PDZD8: variants seen among roughly 807,000 people sequenced by gnomAD.
PDZD8 encodes the protein PDZ domain-containing protein 8.
A neutral mutation model predicts 85.8 loss-of-function variants in PDZD8; 14 were observed. That is an observed-to-expected ratio of 0.16 (90% CI 0.11 to 0.26). The LOEUF is 0.26. Among genes scored for constraint, PDZD8 ranks in the 10% least tolerant of loss-of-function variants. PDZD8 has a pLI of 1.00. For missense variants in PDZD8, 1,197 were observed against 1,424.3 expected (o/e 0.84, Z 2.57); for synonymous variants, 592 against 568.6 (o/e 1.04, Z -0.59).
At chr10:117,301,045 G>A (rs1456638299) in intron 3 of PDZD8, among the ~76,000 whole-genome samples, 1 of 152,104 alleles carries the variant, frequency 6.6e-6, no homozygotes, top group African/African-American at 2.4e-5. Flanking sequence ...CTAGAGTGCA[G>A]TGGCATGATC....
At chr10:117,360,689 C>T (rs1413711428) in intron 1 of PDZD8, among the ~76,000 whole-genome samples, 1 of 151,700 alleles carries the variant, frequency 6.6e-6, no homozygotes, top group African/African-American at 2.4e-5. Context: ...GCAGTCAAAA[C>T]TGTAACAAAT....
At chr10:117,344,616 TG>T (rs993252658) in intron 1 of PDZD8, among the ~76,000 whole-genome samples, 6 of 152,172 alleles carry the variant, frequency 3.9e-5, no homozygotes, top group African/African-American at 1.4e-4. Context: ...CTCTATCTCC[TG>T]ACCTCGTGAT....
intron 2 of PDZD8, among the ~76,000 whole-genome samples, chr10:117,323,235 C>A (rs926578722): frequency 4.6e-5 from 7 of 152,050 alleles, no homozygotes; most frequent in African/African-American, 1.2e-4. Flanking sequence ...TATTCAGAAG[C>A]CTTAAAGAAA....
intron 1 of PDZD8, among the ~76,000 whole-genome samples, chr10:117,369,002 C>T (rs899326803): frequency 1.3e-5 from 2 of 151,510 alleles, no homozygotes; most frequent in South Asian, 2.1e-4. Context: ...ACTGCAGGTG[C>T]GTGCCATTTT....
rs140922572 is a variant in PDZD8 at position 117,283,947 on chromosome 10, T to C, written c.2786A>G (p.Asn929Ser). ...RVDAEASKSV[N>S]KTTGLTRHII... ...ATGCCTTGTCAAACCTGTTGTTTTA[T>C]TGACTGACTTGCTAGCTTCAGCATC... The change falls in exon 5 of 5, where the codon AAT (asparagine) becomes AGT (serine). Residue 929 changes from asparagine to serine, a missense_variant. Physicochemically the swap from Asn to Ser is conservative, Grantham distance 46. Transcript: ENST00000334464. 55 of 1,614,112 alleles carry C rather than the reference T, an allele frequency of 3.4e-5. 1 individual carries two copies. The Admixed American group carries it at 4.2e-4, about 12-fold the overall frequency.
chr10:117,303,026 C>A (rs946628064), intron 3 of PDZD8, among the ~76,000 whole-genome samples: 1 of 152,020 alleles, frequency 6.6e-6, no homozygotes, highest in Non-Finnish European at 1.5e-5. Flanking sequence ...TAGAGTGGGG[C>A]GGTGCTGAAA....
rs772059897 is a variant in PDZD8 at position 117,277,278 on chromosome 10, C to G, written c.*5990G>C. The stretch of plus-strand genomic sequence containing the variant: ...CTGAAAGTGACTGAGATGAGATCCT[C>G]AAAAATCATCAAAGTGTTTAATTGT... On this transcript the variant is annotated 3_prime_UTR_variant, in exon 5 of 5. Coordinates refer to ENST00000334464, the MANE Select transcript of PDZD8 (RefSeq NM_173791.5). 2.1e-5 allele frequency: 30 copies of G among 1,462,572 alleles called. No individual in the cohort carries two copies. The highest frequency in any genetic ancestry group is 2.9e-5 in the Non-Finnish European group (30 of 1,045,588). The allele number at this position is 1,462,572 out of a possible 1,614,324, so 90.6% of individuals were successfully genotyped here.
chr10:117,336,300 C>T (rs1360126957), intron 2 of PDZD8, among the ~76,000 whole-genome samples: 1 of 152,116 alleles, frequency 6.6e-6, no homozygotes, highest in Non-Finnish European at 1.5e-5. Context: ...GGTTGCTCAA[C>T]CTGTATCAGG....
At chr10:117,332,297 C>CA (rs201115715) in intron 2 of PDZD8, among the ~76,000 whole-genome samples, 1 of 151,750 alleles carries the variant, frequency 6.6e-6, no homozygotes, top group Non-Finnish European at 1.5e-5. Flanking sequence ...AAGAAAAAAA[C>CA]AAAAAACAAA....
chr10:117,336,756 T>G (rs1244400893), intron 2 of PDZD8, among the ~76,000 whole-genome samples: 1 of 152,038 alleles, frequency 6.6e-6, no homozygotes, highest in East Asian at 1.9e-4. Context: ...AGTAAAGAAT[T>G]ATAACCATTG....
At chr10:117,337,155 T>C (rs528578263) in intron 2 of PDZD8, among the ~76,000 whole-genome samples, 18 of 151,948 alleles carry the variant, frequency 1.2e-4, no homozygotes, top group African/African-American at 4.3e-4. Flanking sequence ...TGCCAGAAAA[T>C]TGATCTCTTT....
In PDZD8 at chr10:117,278,549, G is replaced by A. The variant is rs1332588467; in HGVS notation, c.*4719C>T. 6.6e-6 allele frequency: 1 copy of A among 152,176 alleles called. No homozygotes were observed. The highest frequency in any genetic ancestry group is 1.5e-5 in the Non-Finnish European group (1 of 68,020). The allele number at this position is 152,176 out of a possible 1,614,324, so 9.4% of individuals were successfully genotyped here. On this transcript the variant is annotated 3_prime_UTR_variant, in exon 5 of 5. Transcript: ENST00000334464. ...TGTCATTTTGTTAAGAGATATGACT[G>A]GAGTGTGCAGTGTGGAATGTCTCTA...
At chr10:117,343,338 T>C (rs1844649003) in intron 1 of PDZD8, among the ~76,000 whole-genome samples, 1 of 152,032 alleles carries the variant, frequency 6.6e-6, no homozygotes, top group African/African-American at 2.4e-5. Flanking sequence ...TAAACTAGTA[T>C]GGAAAGCAGA....
intron 3 of PDZD8, among the ~76,000 whole-genome samples, chr10:117,301,383 A>G (rs779512364): frequency 3.3e-5 from 5 of 152,206 alleles, no homozygotes; most frequent in Non-Finnish European, 5.9e-5. Flanking sequence ...AACTTGGGCC[A>G]TTATGATTAA....
chr10:117,359,285 G>A (rs948860957), intron 1 of PDZD8, among the ~76,000 whole-genome samples: 4 of 151,876 alleles, frequency 2.6e-5, no homozygotes, highest in African/African-American at 9.7e-5. Flanking sequence ...GCATGGTGGA[G>A]CATGCCTGTA....
In PDZD8 at chr10:117,278,114, A is replaced by G. The variant is rs984061561; in HGVS notation, c.*5154T>C. The G allele has an allele frequency of 1.3e-5, 2 of 152,214 alleles. No homozygotes were observed. Among genetic ancestry groups the G allele is most frequent in the Non-Finnish European group, 1.5e-5 (1 of 68,028 alleles). The allele number at this position is 152,214 out of a possible 1,614,324, so 9.4% of individuals were successfully genotyped here. A position where few individuals can be genotyped will look rare whatever the true frequency, so the allele number is the denominator to read the frequency against. On this transcript the variant is annotated 3_prime_UTR_variant, in exon 5 of 5. Transcript: ENST00000334464. ...AAGGTTGTTTAAACATGATAAGGTTAATCGCCATCTACTTCAAGTTTTAGA... is the reference window on the plus strand; with the variant it reads ...AAGGTTGTTTAAACATGATAAGGTTGATCGCCATCTACTTCAAGTTTTAGA...
intron 1 of PDZD8, among the ~76,000 whole-genome samples, chr10:117,350,541 G>A (rs188383272): frequency 6.6e-6 from 1 of 151,244 alleles, no homozygotes; most frequent in Non-Finnish European, 1.5e-5. Flanking sequence ...TAGGATTACA[G>A]GTGGGAGCCA....
intron 3 of PDZD8, among the ~76,000 whole-genome samples, chr10:117,307,477 A>G (rs1843963913): frequency 6.6e-6 from 1 of 152,066 alleles, no homozygotes; most frequent in Non-Finnish European, 1.5e-5. Flanking sequence ...ACAATCATTC[A>G]TTTAGGAAAA....
chr10:117,323,147 C>G (rs1415937521), intron 2 of PDZD8, among the ~76,000 whole-genome samples: 2 of 152,114 alleles, frequency 1.3e-5, no homozygotes, highest in Admixed American at 6.5e-5. Flanking sequence ...AGAACAAGAT[C>G]GTTCATCTAA....
Sources: allele counts gnomAD v4.1 joint callset (sites outside exome capture counted in the v4.1 genomes callset), GRCh38; gene constraint gnomAD v4.1.1; transcripts MANE v1.5; gene names NCBI Gene and HGNC (gene_info 2026-07-23, HGNC 2026-07-21).